The following DDR2 variants were observed in gnomAD, a reference collection of about 807,000 sequenced individuals.
The protein encoded by DDR2 is discoidin domain receptor tyrosine kinase 2.
A neutral mutation model predicts 94.9 loss-of-function variants in DDR2; 27 were observed. That is an observed-to-expected ratio of 0.28 (90% CI 0.21 to 0.39). The LOEUF is 0.39. Among genes scored for constraint, DDR2 ranks in the 10% least tolerant of loss-of-function variants. The pLI is 1.00. For missense variants in DDR2, 783 were observed against 1,076.0 expected (o/e 0.73, Z 3.81); for synonymous variants, 382 against 377.2 (o/e 1.01, Z -0.15).
intron 2 of DDR2, among the ~76,000 whole-genome samples, chr1:162,657,824 C>T (rs553303818): frequency 4.6e-5 from 7 of 151,936 alleles, no homozygotes; most frequent in Non-Finnish European, 1.0e-4. Flanking sequence ...TCCTCCCCTT[C>T]TTCCCTTCCC....
At chr1:162,716,019 G>A (rs2102023642) in intron 2 of DDR2, among the ~76,000 whole-genome samples, 1 of 152,294 alleles carries the variant, frequency 6.6e-6, no homozygotes, top group South Asian at 2.1e-4. Context: ...CACATACTTT[G>A]TGCACGATGT....
At chr1:162,683,537 C>T (rs1425068305) in intron 2 of DDR2, among the ~76,000 whole-genome samples, 1 of 152,048 alleles carries the variant, frequency 6.6e-6, no homozygotes, top group African/African-American at 2.4e-5. Context: ...CGTCTACATA[C>T]CTATAATGAA....
intron 2 of DDR2, among the ~76,000 whole-genome samples, chr1:162,686,239 G>A (rs1659684610): frequency 6.6e-6 from 1 of 151,936 alleles, no homozygotes; most frequent in Non-Finnish European, 1.5e-5. Context: ...TGGGATACAT[G>A]TGCAGAACGT....
chr1:162,741,769 G>A (rs926155423), intron 3 of DDR2: 2 of 985,174 alleles, frequency 2.0e-6, no homozygotes, highest in African/African-American at 3.5e-5. Flanking sequence ...GCCAATGTGA[G>A]CGTTCTGATA....
At position 162,780,577 on chromosome 1, in the gene DDR2, T is replaced by C; in HGVS notation, c.*331T>C. On this transcript the variant is annotated 3_prime_UTR_variant, in exon 18 of 18. Transcript: ENST00000367921. Reference sequence around the variant, plus strand: ...TAAAGGTTAACTATACTTGTGCTTATAAATGTGCAGATTCTACAATATTTT... The same window carrying C: ...TAAAGGTTAACTATACTTGTGCTTACAAATGTGCAGATTCTACAATATTTT... The C allele has an allele frequency of 3.9e-6, 1 of 256,748 alleles. No homozygotes were observed. Among genetic ancestry groups the C allele is most frequent in the South Asian group, 6.8e-5 (1 of 14,716 alleles). The allele number at this position is 256,748 out of a possible 1,614,324, so 15.9% of individuals were successfully genotyped here. A position where few individuals can be genotyped will look rare whatever the true frequency, so the allele number is the denominator to read the frequency against.
chr1:162,641,802 A>G (rs1657140346), intron 1 of DDR2, among the ~76,000 whole-genome samples: 2 of 152,204 alleles, frequency 1.3e-5, no homozygotes, highest in African/African-American at 4.8e-5. Flanking sequence ...GAAGTACTGG[A>G]CTTAAATTTT....
intron 1 of DDR2, among the ~76,000 whole-genome samples, chr1:162,654,123 T>C (rs1657840039): frequency 6.6e-6 from 1 of 152,182 alleles, no homozygotes; most frequent in South Asian, 2.1e-4. Context: ...AGCATACTAA[T>C]ATTCAACTTT....
chr1:162,656,835 T>TG (rs1356389857), intron 2 of DDR2, among the ~76,000 whole-genome samples: 5 of 88,566 alleles, frequency 5.6e-5, no homozygotes, highest in African/African-American at 2.0e-4. Context: ...CCACTGGAGT[T>TG]TTTTTTTTTT....
At chr1:162,742,413 T>A (rs908506053) in intron 3 of DDR2, among the ~76,000 whole-genome samples, 6 of 152,178 alleles carry the variant, frequency 3.9e-5, no homozygotes, top group Non-Finnish European at 7.3e-5. Flanking sequence ...TCGTGGACGG[T>A]GAAGTGGGAG....
At chr1:162,657,727 G>A (rs76312737) in intron 2 of DDR2, among the ~76,000 whole-genome samples, 2 of 152,074 alleles carry the variant, frequency 1.3e-5, no homozygotes, top group East Asian at 3.9e-4. Flanking sequence ...CAAGACCACT[G>A]CAGCACCGAC....
At chr1:162,739,806 A>C (rs2102080963) in intron 3 of DDR2, among the ~76,000 whole-genome samples, 1 of 152,338 alleles carries the variant, frequency 6.6e-6, no homozygotes, top group Non-Finnish European at 1.5e-5. Flanking sequence ...TTAGCTTATT[A>C]TGATAGTAAA....
At chr1:162,688,577 T>C (rs1045671668) in intron 2 of DDR2, among the ~76,000 whole-genome samples, 11 of 152,224 alleles carry the variant, frequency 7.2e-5, no homozygotes, top group African/African-American at 2.7e-4. Flanking sequence ...TACATGTTTA[T>C]TGGTTTTAAG....
At chr1:162,664,613 T>C (rs1658456043) in intron 2 of DDR2, among the ~76,000 whole-genome samples, 1 of 152,174 alleles carries the variant, frequency 6.6e-6, no homozygotes, top group South Asian at 2.1e-4. Context: ...TATAAAGATA[T>C]ACAATCAATG....
intron 8 of DDR2, among the ~76,000 whole-genome samples, chr1:162,760,509 TATATATATGTATATACATATACAACTAG>T (rs35784234): frequency 0.23 from 12,664 of 54,284 alleles, 3,080 homozygotes; most frequent in Non-Finnish European, 0.33. Context: ...CATATACAAC[TATATATATGTATATACATATACAACTAG>T]ATATATGTAT....
chr1:162,752,117 C>T (rs538146013), intron 3 of DDR2, among the ~76,000 whole-genome samples: 5 of 150,550 alleles, frequency 3.3e-5, no homozygotes, highest in African/African-American at 9.8e-5. Flanking sequence ...ACATTGTGCA[C>T]ATGTACCCTA....
intron 3 of DDR2, among the ~76,000 whole-genome samples, chr1:162,751,347 G>A (rs1663183678): frequency 1.3e-5 from 2 of 152,186 alleles, no homozygotes; most frequent in South Asian, 4.2e-4. Flanking sequence ...AATATGAATA[G>A]AAATGTCTCA....
At chr1:162,662,493 T>G (rs1658354441) in intron 2 of DDR2, among the ~76,000 whole-genome samples, 1 of 152,198 alleles carries the variant, frequency 6.6e-6, no homozygotes, top group South Asian at 2.1e-4. Flanking sequence ...ATGGAAATTA[T>G]CCATTTGCAG....
upstream of DDR2, chr1:162,631,416 A>C (rs1005064142): frequency 6.6e-6 from 1 of 152,134 alleles, no homozygotes; most frequent in African/African-American, 2.4e-5. Context: ...CAGAGAAAGG[A>C]GGTCTCTTTA....
intron 1 of DDR2, among the ~76,000 whole-genome samples, chr1:162,653,544 C>T (rs1039881319): frequency 6.6e-6 from 1 of 151,578 alleles, no homozygotes; most frequent in African/African-American, 2.4e-5. Context: ...GATCGTGCCA[C>T]TGCACTCCAG....
Sources: allele counts gnomAD v4.1 joint callset (sites outside exome capture counted in the v4.1 genomes callset), GRCh38; gene constraint gnomAD v4.1.1; transcripts MANE v1.5; gene names NCBI Gene and HGNC (gene_info 2026-07-23, HGNC 2026-07-21).